The following ZNF567 variants were observed in gnomAD, a reference collection of about 807,000 sequenced individuals.
ZNF567 encodes zinc finger protein 567.
Under a neutral mutation model 53.9 loss-of-function variants are expected in ZNF567, and 36 were observed. The ratio of observed to expected loss-of-function variants is 0.67; its 90% CI spans 0.51 to 0.88. The LOEUF is 0.88. Ranked by LOEUF, ZNF567 falls within the 40% of genes least tolerant of loss-of-function variation. The probability of loss-of-function intolerance (pLI) is 0.00; values close to 1 mark genes in which losing one functional copy is unlikely to be tolerated. For synonymous variants in ZNF567, 224 were observed against 260.4 expected (o/e 0.86, Z 1.35); for missense variants, 619 against 764.7 (o/e 0.81, Z 2.25).
chr19:36,692,859 C>T (rs895709578), intron 2 of ZNF567, among the ~76,000 whole-genome samples: 4 of 152,088 alleles, frequency 2.6e-5, no homozygotes, highest in Admixed American at 2.6e-4. Context: ...TGAGAAGTGC[C>T]TATGGTGTCT....
In ZNF567 at chr19:36,706,669, G is replaced by T. The variant is rs1350224911; in HGVS notation, c.10-5717G>T. 4.9e-3 allele frequency among the ~76,000 whole-genome samples: 531 copies of T among 108,914 alleles called. 9 individuals carry two copies. The highest frequency in any genetic ancestry group is 0.034 in the Admixed American group (346 of 10,194). The allele number at this position is 108,914 out of a possible 152,430, so 71.5% of individuals were successfully genotyped here. On this transcript the variant is annotated intron_variant, in intron 3 of 5. Transcript: ENST00000682579. ...CTGATTTCCATCCTTTTTACTGTTG[G>T]TTTTTTTTTTTGTTTTTTTTTTGAG...
At chr19:36,725,724 C>G (rs2040332991), downstream of ZNF567, among the ~76,000 whole-genome samples, 1 of 152,168 alleles carries the variant, frequency 6.6e-6, no homozygotes, top group Non-Finnish European at 1.5e-5. Flanking sequence ...TCACAGCTCA[C>G]TGCAGCCTCG....
rs914897523 is a variant in ZNF567, at chr19:36,715,308, C to T, written c.223+2441C>T. The stretch of plus-strand genomic sequence containing the variant: ...CTGGGGTAGCTGGGATTACAGGTGC[C>T]CACCACCATGCCCGGCTAATTTTTG... On this transcript the variant is annotated intron_variant, in intron 5 of 5. Transcript: ENST00000682579. 2.7e-5 allele frequency among the ~76,000 whole-genome samples: 4 copies of T among 149,790 alleles called. No individual in the cohort carries two copies. In the East Asian group the frequency reaches 7.9e-4, roughly 30 times the overall value.
chr19:36,701,519 G>A (rs2039184434), intron 3 of ZNF567, among the ~76,000 whole-genome samples: 1 of 152,066 alleles, frequency 6.6e-6, no homozygotes, highest in Admixed American at 6.6e-5. Context: ...TGTTGACAGT[G>A]GGGTGTTAAA....
At chr19:36,724,077 GCTCACCACAACCTCTGC>G (rs1418635154), downstream of ZNF567, among the ~76,000 whole-genome samples, 1 of 145,208 alleles carries the variant, frequency 6.9e-6, no homozygotes, top group East Asian at 2.1e-4. Context: ...TGCGATCTCG[GCTCACCACAACCTCTGC>G]CTCCTGGGTT....
In ZNF567 at chr19:36,720,363, A is replaced by G. The variant is rs565128410; in HGVS notation, c.1639A>G (p.Thr547Ala). The part of the protein sequence containing the change: ...ECGKSFRQKA[T>A]LTVHQKIHTG... ...TGGGAAGTCCTTTCGCCAGAAAGCA[A>G]CCCTCACTGTACATCAGAAAATACA... Residue 547 changes from threonine to alanine, a missense_variant, in exon 6 of 6, where the codon ACC becomes GCC. Transcript: ENST00000682579. 2.5e-6 allele frequency: 4 copies of G among 1,614,214 alleles called. No homozygotes were observed. The highest frequency in any genetic ancestry group is 1.7e-5 in the Admixed American group (1 of 60,022).
downstream of ZNF567, among the ~76,000 whole-genome samples, chr19:36,721,536 C>G (rs2040298192): frequency 6.6e-6 from 1 of 151,962 alleles, no homozygotes; most frequent in Non-Finnish European, 1.5e-5. Context: ...TGTAGAAGGC[C>G]TTTAGCTGTC....
chr19:36,724,746 G>T (rs1204453987), downstream of ZNF567, among the ~76,000 whole-genome samples: 15 of 151,652 alleles, frequency 9.9e-5, no homozygotes, highest in Admixed American at 2.0e-4. Context: ...TACTTGGGAG[G>T]CTGAGGCAGG....
chr19:36,671,902 C>T, the ZNF567 span, among the ~76,000 whole-genome samples: 1 of 152,228 alleles, frequency 6.6e-6, no homozygotes, highest in Non-Finnish European at 1.5e-5. Flanking sequence ...GTGATCAGGC[C>T]TAAGCAGGCC....
chr19:36,721,891 T>C (rs1323680194), downstream of ZNF567, among the ~76,000 whole-genome samples: 1 of 151,762 alleles, frequency 6.6e-6, no homozygotes, highest in Admixed American at 6.6e-5. Context: ...ATTACAGGCA[T>C]GTGCCATCAC....
intron 5 of ZNF567, among the ~76,000 whole-genome samples, chr19:36,717,010 G>A (rs1401962405): frequency 2.0e-5 from 3 of 152,056 alleles, no homozygotes; most frequent in African/African-American, 4.8e-5. Flanking sequence ...TGTATTTTTA[G>A]TAGGGACAGT....
rs1267903338 is a variant in ZNF567 at position 36,721,013 on chromosome 19, T to C, written c.*345T>C. ...AGAAAATATTTATGAACTATATTTC[T>C]CATTGCACTCTGTAATAAAAAGCAG... is the stretch of plus-strand genomic sequence containing the variant. On this transcript the variant is annotated 3_prime_UTR_variant, in exon 6 of 6. Coordinates refer to ENST00000682579, the MANE Select transcript of ZNF567 (RefSeq NM_001322917.1). 6.3e-6 allele frequency: 1 copy of C among 158,106 alleles called. No homozygotes were observed. The highest frequency in any genetic ancestry group is 1.4e-5 in the Non-Finnish European group (1 of 72,080). The allele number at this position is 158,106 out of a possible 1,614,324, so 9.8% of individuals were successfully genotyped here. A position where few individuals can be genotyped will look rare whatever the true frequency, so the allele number is the denominator to read the frequency against.
chr19:36,709,221 A>G (rs1048992661), intron 3 of ZNF567, among the ~76,000 whole-genome samples: 1 of 152,200 alleles, frequency 6.6e-6, no homozygotes, highest in African/African-American at 2.4e-5. Flanking sequence ...GACACACTAA[A>G]ACTTCATGAA....
In ZNF567 at chr19:36,717,660, A is replaced by G. The variant is rs191605165; in HGVS notation, c.224-1288A>G. 7.0e-3 allele frequency among the ~76,000 whole-genome samples: 1,060 copies of G among 152,362 alleles called. 16 individuals carry two copies. In the South Asian group the frequency reaches 0.074, roughly 11 times the overall value. ...TCAATGAAGAAATAGATTTTTGAGCATAGCTTTAACATTGCTTCATCAGAT... is the reference window on the plus strand; with the variant it reads ...TCAATGAAGAAATAGATTTTTGAGCGTAGCTTTAACATTGCTTCATCAGAT... On this transcript the variant is annotated intron_variant, in intron 5 of 5. Coordinates refer to ENST00000682579, the MANE Select transcript of ZNF567 (RefSeq NM_001322917.1).
chr19:36,686,924 C>T (rs76281638), upstream of ZNF567: 37 of 152,286 alleles, frequency 2.4e-4, no homozygotes, highest in African/African-American at 8.2e-4. Flanking sequence ...TGTCAAACAC[C>T]AGGCTGAGAA....
chr19:36,705,963 CTTTG>C (rs761534249), intron 3 of ZNF567, among the ~76,000 whole-genome samples: 5 of 152,044 alleles, frequency 3.3e-5, no homozygotes, highest in African/African-American at 7.3e-5. Context: ...TGTATGGTAT[CTTTG>C]TTCTTTGTGC....
At position 36,719,884 on chromosome 19, in the gene ZNF567, A is replaced by G; in HGVS notation, c.1160A>G (p.His387Arg). Residue 387 changes from histidine (H) to arginine (R), a missense_variant, in exon 6 of 6, where the codon CAT (histidine) becomes CGT (arginine). Coordinates refer to ENST00000682579, the MANE Select transcript of ZNF567 (RefSeq NM_001322917.1). The part of the protein sequence containing the change: ...KTTLSLHQRI[H>R]TGEKPYICKE... ...ACACTCTCTCTACATCAGAGAATCC[A>G]TACAGGTGAGAAACCCTACATTTGT... The G allele has an allele frequency of 1.2e-6, 2 of 1,609,406 alleles. No individual in the cohort carries two copies. Among genetic ancestry groups the G allele is most frequent in the Non-Finnish European group, 1.7e-6 (2 of 1,176,342 alleles).
At chr19:36,692,907 C>G (rs1441172347) in intron 2 of ZNF567, among the ~76,000 whole-genome samples, 1 of 152,184 alleles carries the variant, frequency 6.6e-6, no homozygotes, top group East Asian at 1.9e-4. Flanking sequence ...GTTTCCTACT[C>G]TGGGCCCTTT....
chr19:36,687,569 G>A (rs1007064790), upstream of ZNF567: 1 of 152,322 alleles, frequency 6.6e-6, no homozygotes. Flanking sequence ...ACGCGCCGCG[G>A]AGACACCTGG....
Sources: gnomAD v4.1 joint callset for allele counts (sites outside exome capture counted in the v4.1 genomes callset) on GRCh38, gnomAD v4.1.1 for gene constraint, MANE v1.5 for transcripts, NCBI Gene and HGNC (gene_info 2026-07-23, HGNC 2026-07-21) for gene names.